FHIP1B: variants seen among roughly 807,000 people sequenced by gnomAD.
FHIP1B encodes FHF complex subunit HOOK interacting protein 1B, also known as FHF complex subunit HOOK-interacting protein 1B.
FHIP1B carries 28 observed loss-of-function variants against 82.2 expected under a neutral mutation model. The observed-to-expected ratio is 0.34, with a 90% CI of 0.25 to 0.47. FHIP1B has a LOEUF of 0.47. Among genes scored for constraint, FHIP1B ranks in the 20% least tolerant of loss-of-function variants. The probability of loss-of-function intolerance (pLI) is 1.00; values close to 1 mark genes in which losing one functional copy is unlikely to be tolerated. For synonymous variants in FHIP1B, 585 were observed against 516.1 expected, an observed-to-expected ratio of 1.13 and a Z score of -1.81; for missense variants, 1,110 against 1,262.6, an observed-to-expected ratio of 0.88 and a Z score of 1.83.
At position 6,211,695 on chromosome 11, in the gene FHIP1B, C is replaced by T; in HGVS notation, c.2730G>A (p.Gly910=). The part of the protein sequence containing the change: ...ASTPVLLTRG[G]APERQGEALR... ...GAGCCTCACCTTGGCGTTCAGGGGC[C>T]CCGCCCCGGGTGAGTAGAACTGGAG... The change falls in exon 12 of 12, where the codon GGG becomes GGA. Residue 910 remains glycine, a synonymous_variant. Coordinates refer to ENST00000449352, the MANE Select transcript of FHIP1B (RefSeq NM_001098794.2). 1 of 1,614,154 alleles carries T rather than the reference C, an allele frequency of 6.2e-7. No individual in the cohort carries two copies. The highest frequency in any genetic ancestry group is 2.2e-5 in the East Asian group (1 of 44,882).
intron 8 of FHIP1B, 139 bp downstream of exon 8, chr11:6,218,461 C>T (rs1847311539): frequency 7.4e-7 from 1 of 1,342,768 alleles, no homozygotes; most frequent in East Asian, 2.3e-5. Context: ...AAGACACCCT[C>T]ATCAACCTCC....
At position 6,224,385 on chromosome 11, in the gene FHIP1B, C is replaced by T; in HGVS notation, c.132G>A (p.Trp44Ter). 6.2e-7 allele frequency: 1 copy of T among 1,614,196 alleles called. No individual in the cohort carries two copies. Among genetic ancestry groups the T allele is most frequent in the Non-Finnish European group, 8.5e-7 (1 of 1,180,042 alleles). The change falls in exon 2 of 12, where the codon TGG (tryptophan) becomes TGA (stop). Residue 44 changes from tryptophan (W) to a stop codon, truncating the protein, a stop_gained. Coordinates refer to ENST00000449352, the MANE Select transcript of FHIP1B (RefSeq NM_001098794.2). LOFTEE classifies it high-confidence loss of function. The part of the protein sequence containing the change: ...ETCLMVFKNH[W>*]SQVVRILERQ... ...TTGCCATACAGTCTCCTACCTGGGA[C>T]CAGTGATTCTTGAAGACCATGAGGC...
intron 9 of FHIP1B, among the ~76,000 whole-genome samples, chr11:6,215,702 A>C (rs1847207195): frequency 6.6e-6 from 1 of 152,180 alleles, no homozygotes; most frequent in Admixed American, 6.5e-5. Context: ...TTGGTGGGAG[A>C]GAAGGAAGGG....
At chr11:6,214,001 C>G (rs1251385226) in intron 11 of FHIP1B, among the ~76,000 whole-genome samples, 1 of 147,966 alleles carries the variant, frequency 6.8e-6, no homozygotes, top group Non-Finnish European at 1.5e-5. Flanking sequence ...TTTTAAATCC[C>G]CTACTCCAAC....
At chr11:6,218,456 A>G in intron 8 of FHIP1B, 144 bp downstream of exon 8, 1 of 1,247,520 alleles carries the variant, frequency 8.0e-7, no homozygotes, top group Non-Finnish European at 1.1e-6. Context: ...CCTGCAAGAC[A>G]CCCTCATCAA....
At position 6,214,525 on chromosome 11, in the gene FHIP1B, C is replaced by T; in HGVS notation, c.2443G>A (p.Glu815Lys). 1 of 1,614,046 alleles carries T rather than the reference C, an allele frequency of 6.2e-7. No individual in the cohort carries two copies. Among genetic ancestry groups the T allele is most frequent in the Non-Finnish European group, 8.5e-7 (1 of 1,179,930 alleles). Reference sequence around the variant, plus strand: ...TTGGACAGCAGTGCTGGGAAGTCCTCCTGGGAAGCCGCAAAGTTCTCAATC... The same window carrying T: ...TTGGACAGCAGTGCTGGGAAGTCCTTCTGGGAAGCCGCAAAGTTCTCAATC... ...NKIENFAASQEDFPALLSKAK... is the reference protein window; with the variant it reads ...NKIENFAASQKDFPALLSKAK... The change falls in exon 11 of 12, where the codon GAG (glutamate) becomes AAG (lysine). Residue 815 changes from glutamate (E) to lysine (K), a missense_variant. By Grantham distance (56) the Glu-to-Lys change is moderately conservative. Transcript: ENST00000449352.
At chr11:6,221,794 T>C (rs888703496) in intron 6 of FHIP1B, among the ~76,000 whole-genome samples, 2 of 152,216 alleles carry the variant, frequency 1.3e-5, no homozygotes, top group Admixed American at 1.3e-4. Context: ...AGTTTTTTCA[T>C]AACCCTGACC....
chr11:6,224,533 G>A lies in FHIP1B; in HGVS notation c.-17C>T, dbSNP rs749650912. On this transcript the variant is annotated 5_prime_UTR_variant, in exon 2 of 12. Coordinates refer to ENST00000449352, the MANE Select transcript of FHIP1B (RefSeq NM_001098794.2). ...CCTCTCCATGAGGCAGGCTGGGCAG[G>A]ACTGGCAGCCAGAGGCCTACACTCT... The A allele has an allele frequency of 1.3e-6, 2 of 1,598,006 alleles. No homozygotes were observed. Among genetic ancestry groups the A allele is most frequent in the South Asian group, 1.1e-5 (1 of 88,742 alleles).
chr11:6,227,296 A>G (rs1847588779), intron 1 of FHIP1B, among the ~76,000 whole-genome samples: 1 of 152,254 alleles, frequency 6.6e-6, no homozygotes. Context: ...GGAGGAAATC[A>G]AGGCCCAGAG....
chr11:6,217,255 A>T, intron 9 of FHIP1B, 116 bp downstream of exon 9: 1 of 889,944 alleles, frequency 1.1e-6, no homozygotes, highest in Non-Finnish European at 1.8e-6. Context: ...AGGATGGATG[A>T]GGGGCTAGGC....
At position 6,223,746 on chromosome 11, in the gene FHIP1B, GAA is replaced by G. The variant is rs970597504; in HGVS notation, c.639_640del (p.Arg215ProfsTer17). On this transcript the variant is annotated frameshift_variant, in exon 3 of 12. Coordinates refer to ENST00000449352, the MANE Select transcript of FHIP1B (RefSeq NM_001098794.2). LOFTEE classifies it high-confidence loss of function. The surrounding 1 kb of genome is among the most constrained non-coding windows in gnomAD (Gnocchi z 4.8). The stretch of plus-strand genomic sequence containing the variant: ...TCGATGCACAAAAGGGACAAGGCGA[GAA>G]AAGAGAAGAAGACGGGGAGCGGCTC... 6.2e-7 allele frequency: 1 copy of G among 1,614,244 alleles called. No individual in the cohort carries two copies. The highest frequency in any genetic ancestry group is 1.7e-5 in the Admixed American group (1 of 60,032).
intron 6 of FHIP1B, among the ~76,000 whole-genome samples, chr11:6,219,344 C>G (rs1847343704): frequency 6.6e-6 from 1 of 152,224 alleles, no homozygotes; most frequent in Non-Finnish European, 1.5e-5. Flanking sequence ...TCCAGCAACA[C>G]TTGAACGAAA....
chr11:6,219,990 T>A (rs1449948740), intron 6 of FHIP1B, among the ~76,000 whole-genome samples: 1 of 152,152 alleles, frequency 6.6e-6, no homozygotes, highest in African/African-American at 2.4e-5. Flanking sequence ...TAGCTAGCAA[T>A]GAAAAAATTC....
chr11:6,218,462 A>C (rs1417929475), intron 8 of FHIP1B, 138 bp downstream of exon 8: 16 of 1,362,752 alleles, frequency 1.2e-5, no homozygotes, highest in African/African-American at 1.4e-5. Context: ...AGACACCCTC[A>C]TCAACCTCCC....
rs758448400 is a variant in FHIP1B, at chr11:6,217,795, T to A, written c.1791A>T (p.Leu597=). 4.1e-5 allele frequency: 66 copies of A among 1,610,346 alleles called. No individual in the cohort carries two copies. The highest frequency in any genetic ancestry group is 1.7e-6 in the Non-Finnish European group (2 of 1,178,348). Residue 597 remains leucine (L), a synonymous_variant, in exon 9 of 12, where the codon CTA becomes CTT. Coordinates refer to ENST00000449352, the MANE Select transcript of FHIP1B (RefSeq NM_001098794.2). ...PFGSRTKKRS[L]LPEEDRNNVG... Reference sequence around the variant, plus strand: ...CGTTGTTCCTGTCCTCCTCAGGCAGTAGGCTGCGTTTCTTAGTCCGGGAGC... The same window carrying A: ...CGTTGTTCCTGTCCTCCTCAGGCAGAAGGCTGCGTTTCTTAGTCCGGGAGC...
chr11:6,232,364 T>C (rs1451272282), intron 1 of FHIP1B, among the ~76,000 whole-genome samples: 1 of 152,254 alleles, frequency 6.6e-6, no homozygotes, highest in African/African-American at 2.4e-5. Flanking sequence ...TGTTCCAATG[T>C]CACTGCGACA....
chr11:6,213,029 T>C (rs577513342), intron 11 of FHIP1B, among the ~76,000 whole-genome samples: 2 of 152,240 alleles, frequency 1.3e-5, no homozygotes, highest in Non-Finnish European at 2.9e-5. Context: ...TTTCTATGTC[T>C]TCTACCTCAT....
intron 1 of FHIP1B, among the ~76,000 whole-genome samples, chr11:6,231,459 G>A (rs1334109965): frequency 6.7e-6 from 1 of 149,252 alleles, no homozygotes; most frequent in Non-Finnish European, 1.5e-5. Context: ...AACTCATTAT[G>A]ATATATTTTC....
rs77726581 is a variant in FHIP1B at position 6,218,660 on chromosome 11, G to T, written c.1375C>A (p.Arg459Ser). ...CTGGGGGCGTGGTGCCGACAACAGC[G>T]TGGGATTAGGGAGAGAAACTTGTCA... is the stretch of plus-strand genomic sequence containing the variant. ...AADKFLSLIP[R>S]CCRHHAPSPP... is the part of the protein sequence containing the mutation. The change falls in exon 8 of 12, where the codon CGC (arginine) becomes AGC (serine). Residue 459 changes from arginine (R) to serine (S), a missense_variant. Transcript: ENST00000449352. The T allele has an allele frequency of 6.2e-7, 1 of 1,614,146 alleles. No homozygotes were observed. Among genetic ancestry groups the T allele is most frequent in the South Asian group, 1.1e-5 (1 of 91,086 alleles).
Sources: allele counts gnomAD v4.1 joint callset (sites outside exome capture counted in the v4.1 genomes callset), GRCh38; gene constraint gnomAD v4.1.1; non-coding constraint Gnocchi (gnomAD v3.1); transcripts MANE v1.5; gene names NCBI Gene and HGNC (gene_info 2026-07-23, HGNC 2026-07-21).